The following TMEM181 variants were observed in gnomAD, a reference collection of about 807,000 sequenced individuals.
The protein encoded by TMEM181 is G protein-coupled receptor 178.
Under a neutral mutation model 71.9 loss-of-function variants are expected in TMEM181, and 39 were observed. The observed-to-expected ratio is 0.54, with a 90% CI of 0.42 to 0.71. The LOEUF is 0.71. TMEM181 is among the 30% of genes least tolerant of loss of function. The probability of loss-of-function intolerance (pLI) is 0.00; values close to 1 mark genes in which losing one functional copy is unlikely to be tolerated. For missense variants in TMEM181, 595 were observed against 583.0 expected (o/e 1.02, Z -0.21); for synonymous variants, 245 against 228.8 (o/e 1.07, Z -0.64).
chr6:158,626,722 CTG>C (rs1357987710), intron 13 of TMEM181: 4 of 457,268 alleles, frequency 8.7e-6, no homozygotes, highest in South Asian at 4.6e-5. Context: ...CACGTTGTCT[CTG>C]TGACGTCTCA....
At chr6:158,607,432 C>T (rs150268011) in intron 8 of TMEM181, 89 bp downstream of exon 8, 14,993 of 1,211,288 alleles carry the variant, frequency 0.012, 131 homozygotes, top group Middle Eastern at 0.018. Context: ...CATCCCAGCA[C>T]TTTGAGAGGC....
At chr6:158,593,013 G>A (rs184961788) in intron 6 of TMEM181, among the ~76,000 whole-genome samples, 1 of 152,144 alleles carries the variant, frequency 6.6e-6, no homozygotes, top group Non-Finnish European at 1.5e-5. Context: ...TGAGTGGGGG[G>A]GTGTGAACTG....
chr6:158,539,019 G>A (rs1164783708), intron 1 of TMEM181, among the ~76,000 whole-genome samples: 1 of 152,222 alleles, frequency 6.6e-6, no homozygotes, highest in African/African-American at 2.4e-5. Context: ...GGACTGCAGT[G>A]TGAAGCCACT....
At chr6:158,597,351 C>T (rs956005702) in intron 6 of TMEM181, among the ~76,000 whole-genome samples, 3 of 152,116 alleles carry the variant, frequency 2.0e-5, no homozygotes, top group Admixed American at 2.0e-4. Flanking sequence ...TTTTGGAGGG[C>T]AGGGAAGTCC....
chr6:158,543,372 C>T (rs573876884), intron 1 of TMEM181, among the ~76,000 whole-genome samples: 2 of 152,338 alleles, frequency 1.3e-5, no homozygotes, highest in Admixed American at 6.5e-5. Context: ...TCTGGTGGAA[C>T]ACCTGAAGCT....
At chr6:158,570,305 T>C (rs1317933266) in intron 1 of TMEM181, among the ~76,000 whole-genome samples, 1 of 150,534 alleles carries the variant, frequency 6.6e-6, no homozygotes, top group Non-Finnish European at 1.5e-5. Flanking sequence ...CAATCTCAGC[T>C]CAATGCAAGC....
chr6:158,628,546 G>T lies in TMEM181; in HGVS notation c.1192+56G>T, dbSNP rs946638875. The T allele has an allele frequency of 6.0e-6, 9 of 1,511,386 alleles. No homozygotes were observed. In the South Asian group the frequency reaches 6.8e-5, roughly 11 times the overall value. The allele number at this position is 1,511,386 out of a possible 1,614,324, so 93.6% of individuals were successfully genotyped here. ...AGGACGCCTGCTTAGCATTGCAGCA[G>T]TTAGTGGCTCAGATTTGCCCCTCTC... On this transcript the variant is annotated intron_variant, in intron 14 of 16. Coordinates refer to ENST00000684151, the MANE Select transcript of TMEM181 (RefSeq NM_001376852.1).
At chr6:158,563,796 A>G (rs934729346) in intron 1 of TMEM181, among the ~76,000 whole-genome samples, 1 of 152,124 alleles carries the variant, frequency 6.6e-6, no homozygotes, top group African/African-American at 2.4e-5. Context: ...TTGAATGTTC[A>G]CATAATAGCT....
chr6:158,568,320 G>A (rs1393472666), intron 1 of TMEM181, among the ~76,000 whole-genome samples: 1 of 152,094 alleles, frequency 6.6e-6, no homozygotes, highest in East Asian at 1.9e-4. Context: ...AAACGTGTTG[G>A]GCAGCGCTGC....
At chr6:158,613,377 C>T (rs1198071185) in intron 10 of TMEM181, among the ~76,000 whole-genome samples, 2 of 152,110 alleles carry the variant, frequency 1.3e-5, no homozygotes, top group Non-Finnish European at 2.9e-5. Flanking sequence ...CTACATACAC[C>T]TTTTAAATTG....
At position 158,633,740 on chromosome 6, in the gene TMEM181, T is replaced by A. The variant is rs182230045; in HGVS notation, c.*1852T>A. On this transcript the variant is annotated 3_prime_UTR_variant, in exon 17 of 17. Coordinates refer to ENST00000684151, the MANE Select transcript of TMEM181 (RefSeq NM_001376852.1). ...GTTTTAAAAACCTTGTAAATATGAA[T>A]GTTTAAGACAACTTACTGCAAGGGT... 6.6e-6 allele frequency: 1 copy of A among 152,346 alleles called. No homozygotes were observed. The highest frequency in any genetic ancestry group is 2.4e-5 in the African/African-American group (1 of 41,586). The allele number at this position is 152,346 out of a possible 1,614,324, so 9.4% of individuals were successfully genotyped here.
chr6:158,577,720 A>T (rs186508655), intron 2 of TMEM181, among the ~76,000 whole-genome samples: 4 of 152,354 alleles, frequency 2.6e-5, no homozygotes, highest in Admixed American at 2.6e-4. Context: ...AGGGATCCTC[A>T]GTAAGTTTGT....
chr6:158,592,950 A>G (rs1224177250), intron 6 of TMEM181, among the ~76,000 whole-genome samples: 2 of 152,128 alleles, frequency 1.3e-5, no homozygotes, highest in Non-Finnish European at 2.9e-5. Flanking sequence ...AACAACAAAT[A>G]AGATAATATC....
chr6:158,601,067 C>T (rs927956892), intron 6 of TMEM181, among the ~76,000 whole-genome samples: 2 of 152,116 alleles, frequency 1.3e-5, no homozygotes, highest in Admixed American at 6.5e-5. Flanking sequence ...TATCAACACT[C>T]CCCCCAAATG....
At chr6:158,547,746 C>T in intron 1 of TMEM181, among the ~76,000 whole-genome samples, 1 of 152,066 alleles carries the variant, frequency 6.6e-6, no homozygotes, top group African/African-American at 2.4e-5. Context: ...TATCCACCTC[C>T]CGTCTCCCAC....
chr6:158,554,452 G>A (rs747550653), intron 1 of TMEM181, among the ~76,000 whole-genome samples: 21 of 151,290 alleles, frequency 1.4e-4, no homozygotes, highest in African/African-American at 4.1e-4. Flanking sequence ...ACTCCTGACC[G>A]CAGGTGATCC....
chr6:158,589,782 A>T lies in TMEM181; in HGVS notation c.492A>T (p.Thr164=), dbSNP rs767936763. The T allele has an allele frequency of 6.2e-7, 1 of 1,603,010 alleles. No individual in the cohort carries two copies. The highest frequency in any genetic ancestry group is 1.1e-5 in the South Asian group (1 of 90,832). The part of the protein sequence containing the change: ...LKLPIKGMNF[T]WKTYNPAFSR... ...TCCCCATCAAGGGAATGAACTTCAC[A>T]GTAAGTATACCAGCTGACTGCACGT... is the stretch of plus-strand genomic sequence containing the variant. Residue 164 remains threonine, a splice_region_variant and synonymous_variant, in exon 6 of 17, where the codon ACA becomes ACT. Transcript: ENST00000684151.
At chr6:158,584,241 G>A (rs1392803732) in intron 4 of TMEM181, among the ~76,000 whole-genome samples, 197 bp downstream of exon 4, 2 of 152,214 alleles carry the variant, frequency 1.3e-5, no homozygotes, top group Admixed American at 6.5e-5. Flanking sequence ...ATAGATAGAC[G>A]TCCTCCGTGG....
intron 1 of TMEM181, among the ~76,000 whole-genome samples, chr6:158,540,731 C>G (rs548481359): frequency 6.6e-6 from 1 of 151,526 alleles, no homozygotes; most frequent in Non-Finnish European, 1.5e-5. Context: ...GATCAGGATT[C>G]GCAGTGCTGG....
Sources: allele counts gnomAD v4.1 joint callset (sites outside exome capture counted in the v4.1 genomes callset), GRCh38; gene constraint gnomAD v4.1.1; transcripts MANE v1.5; gene names NCBI Gene and HGNC (gene_info 2026-07-23, HGNC 2026-07-21).